AHI1: variants seen among roughly 807,000 people sequenced by gnomAD.
AHI1 encodes jouberin.
In AHI1, 123 loss-of-function variants were observed where a neutral mutation model predicts 149.3. The ratio of observed to expected loss-of-function variants is 0.82; its 90% CI spans 0.71 to 0.96. AHI1 has a LOEUF of 0.96. AHI1 is among the 40% of genes least tolerant of loss of function. AHI1 has a pLI of 0.00. For missense variants in AHI1, 1,439 were observed against 1,422.7 expected (o/e 1.01, Z -0.18); for synonymous variants, 475 against 459.8 (o/e 1.03, Z -0.42).
intron 24 of AHI1, among the ~76,000 whole-genome samples, chr6:135,350,460 T>C (rs1791911687): frequency 6.6e-6 from 1 of 152,236 alleles, no homozygotes; most frequent in African/African-American, 2.4e-5. Flanking sequence ...TCATCATATA[T>C]ACATTTATTC....
At chr6:135,461,126 G>C (rs185001657) in intron 8 of AHI1, among the ~76,000 whole-genome samples, 90 of 152,078 alleles carry the variant, frequency 5.9e-4, no homozygotes, top group Non-Finnish European at 9.0e-4. Flanking sequence ...AATCAAACCA[G>C]AGTAGGACGA....
At position 135,318,542 on chromosome 6, in the gene AHI1, CTA is replaced by C. The variant is rs1364954897; in HGVS notation, c.3401_3402del (p.Ile1134ArgfsTer13). On this transcript the variant is annotated frameshift_variant, in exon 26 of 29. Coordinates refer to ENST00000265602, the MANE Select transcript of AHI1 (RefSeq NM_001134831.2). LOFTEE classifies it high-confidence loss of function. ...ACCTTTTGAGGAGCTGGAGATTTTT[CTA>C]TTTTAGTTTTTTCCTCAGGGCTTAA... is the stretch of plus-strand genomic sequence containing the variant. ...PPLSPEEKTK[I>X]EKSPAPQKQS... 4 of 1,596,078 alleles carry C rather than the reference CTA, an allele frequency of 2.5e-6. No individual in the cohort carries two copies. The highest frequency in any genetic ancestry group is 2.6e-6 in the Non-Finnish European group (3 of 1,170,690).
chr6:135,380,229 C>A (rs928398920), intron 23 of AHI1, among the ~76,000 whole-genome samples: 1 of 151,882 alleles, frequency 6.6e-6, no homozygotes, highest in African/African-American at 2.4e-5. Context: ...TCTGCATCCA[C>A]GCATTCAACC....
chr6:135,477,278 G>A (rs1792827724), intron 5 of AHI1, among the ~76,000 whole-genome samples: 2 of 152,038 alleles, frequency 1.3e-5, no homozygotes. Context: ...CTGACCTCGT[G>A]ATCCACTCGC....
At chr6:135,354,523 G>A (rs1213637297) in intron 24 of AHI1, among the ~76,000 whole-genome samples, 2 of 152,118 alleles carry the variant, frequency 1.3e-5, no homozygotes, top group Non-Finnish European at 2.9e-5. Context: ...TATGCTAGTT[G>A]CCATTTCCCT....
chr6:135,330,752 A>C (rs550788827), intron 24 of AHI1, among the ~76,000 whole-genome samples: 120 of 152,352 alleles, frequency 7.9e-4, no homozygotes, highest in Non-Finnish European at 1.5e-3. Flanking sequence ...CTGAAGGACA[A>C]AAACAGCGTG....
chr6:135,452,844 C>A (rs1788343305), intron 11 of AHI1, among the ~76,000 whole-genome samples: 1 of 152,140 alleles, frequency 6.6e-6, no homozygotes, highest in African/African-American at 2.4e-5. Flanking sequence ...TTCTTCCCCA[C>A]CGGTGGCAAT....
chr6:135,389,710 T>C (rs1451639544), intron 23 of AHI1, among the ~76,000 whole-genome samples: 2 of 152,218 alleles, frequency 1.3e-5, no homozygotes, highest in Non-Finnish European at 2.9e-5. Context: ...CGATTTAATA[T>C]GAATTAAATT....
intron 5 of AHI1, among the ~76,000 whole-genome samples, chr6:135,483,551 T>C (rs756547307): frequency 6.6e-6 from 1 of 152,204 alleles, no homozygotes; most frequent in African/African-American, 2.4e-5. Context: ...TATCCCCTTT[T>C]AAAAGAATGT....
chr6:135,329,771 G>A (rs1176655905), intron 24 of AHI1, among the ~76,000 whole-genome samples: 4 of 152,188 alleles, frequency 2.6e-5, no homozygotes, highest in Admixed American at 2.0e-4. Flanking sequence ...AAACCTTCTG[G>A]AAAGGATGCA....
Position 135,447,766 on chromosome 6 carries a change from C to T in AHI1, c.1626+524G>A, listed in dbSNP as rs546116231. On this transcript the variant is annotated intron_variant, in intron 12 of 28. Coordinates refer to ENST00000265602, the MANE Select transcript of AHI1 (RefSeq NM_001134831.2). ...ACAGCAGCAGTAGAAACATTACATA[C>T]TGATTATTTGAATAATATTGTGAAA... Among the ~76,000 whole-genome samples, 14 of 152,276 alleles carry T rather than the reference C, an allele frequency of 9.2e-5. 1 individual carries two copies. Among genetic ancestry groups the T allele is most frequent in the Middle Eastern group, 3.4e-3 (1 of 294 alleles).
At chr6:135,420,283 CA>C (rs1212010075) in intron 20 of AHI1, among the ~76,000 whole-genome samples, 15 of 152,130 alleles carry the variant, frequency 9.9e-5, no homozygotes, top group African/African-American at 3.6e-4. Context: ...GTACTTTGCC[CA>C]GCTTCATCAG....
chr6:135,439,639 A>AC (rs1252620498), intron 14 of AHI1, among the ~76,000 whole-genome samples: 3 of 152,250 alleles, frequency 2.0e-5, no homozygotes, highest in Admixed American at 2.0e-4. Context: ...ATTGTGAAGA[A>AC]CGAAAAAGAG....
Position 135,466,109 on chromosome 6 carries a change from A to T in AHI1, c.454T>A (p.Ser152Thr). The T allele has an allele frequency of 6.2e-7, 1 of 1,613,876 alleles. No individual in the cohort carries two copies. The highest frequency in any genetic ancestry group is 8.5e-7 in the Non-Finnish European group (1 of 1,179,850). ...KPETPENKVDSTHQKTHTKPQ... is the reference protein window; with the variant it reads ...KPETPENKVDTTHQKTHTKPQ... ...TTTGTATGTGTTTTCTGGTGTGTAG[A>T]ATCAACCTTATTCTCAGGAGTTTCC... The change falls in exon 7 of 29, where the codon TCT (serine) becomes ACT (threonine). Residue 152 changes from serine to threonine, a missense_variant. By Grantham distance (58) the Ser-to-Thr change is moderately conservative (BLOSUM62 1). Coordinates refer to ENST00000265602, the MANE Select transcript of AHI1 (RefSeq NM_001134831.2).
intron 14 of AHI1, among the ~76,000 whole-genome samples, chr6:135,442,203 A>C (rs1386308178): frequency 1.3e-5 from 2 of 152,106 alleles, no homozygotes; most frequent in South Asian, 2.1e-4. Context: ...CTACACAGCA[A>C]ATCTGGAGGC....
chr6:135,480,779 C>G (rs181409582), intron 5 of AHI1, among the ~76,000 whole-genome samples: 3 of 152,186 alleles, frequency 2.0e-5, no homozygotes, highest in Non-Finnish European at 4.4e-5. Flanking sequence ...TCAGGCCACA[C>G]AGCAGGAAGT....
chr6:135,482,893 G>GTTTTT (rs1491384083), intron 5 of AHI1, among the ~76,000 whole-genome samples: 2 of 5,788 alleles, frequency 3.5e-4, no homozygotes, highest in African/African-American at 7.0e-4. Flanking sequence ...TCCATTTAAG[G>GTTTTT]CTTTTTTTTT....
At chr6:135,471,980 C>T (rs1035853788) in intron 5 of AHI1, among the ~76,000 whole-genome samples, 1 of 123,164 alleles carries the variant, frequency 8.1e-6, no homozygotes, top group African/African-American at 3.0e-5. Context: ...CCACTGCAGT[C>T]CGCAGTCCGG....
rs375891573 is a variant in AHI1 at position 135,444,043 on chromosome 6, T to C, written c.1780-1329A>G. Among the ~76,000 whole-genome samples, 18 of 152,248 alleles carry C rather than the reference T, an allele frequency of 1.2e-4. 3 individuals carry two copies. The highest frequency in any genetic ancestry group is 1.9e-4 in the East Asian group (1 of 5,178). ...TCTCAGGGTTTGACTCTGTGCCCTA[T>C]CCACAACAGACACTCAATGAAAGTC... On this transcript the variant is annotated intron_variant, in intron 13 of 28. Coordinates refer to ENST00000265602, the MANE Select transcript of AHI1 (RefSeq NM_001134831.2).
Sources: allele counts gnomAD v4.1 joint callset (sites outside exome capture counted in the v4.1 genomes callset), GRCh38; gene constraint gnomAD v4.1.1; transcripts MANE v1.5; gene names NCBI Gene and HGNC (gene_info 2026-07-23, HGNC 2026-07-21).